The following SHANK2 variants were observed in gnomAD, a reference collection of about 807,000 sequenced individuals.
SHANK2 encodes the protein SH3 and multiple ankyrin repeat domains protein 2.
A neutral mutation model predicts 133.7 loss-of-function variants in SHANK2; 43 were observed. The observed-to-expected ratio is 0.32, with a 90% confidence interval of 0.25 to 0.41. SHANK2 has a LOEUF of 0.41. SHANK2 is among the 10% of genes least tolerant of loss of function. The probability of loss-of-function intolerance (pLI) is 1.00; values close to 1 mark genes in which losing one functional copy is unlikely to be tolerated. For missense variants in SHANK2, 1,994 were observed against 2,235.8 expected, an observed-to-expected ratio of 0.89 and a Z score of 2.18; for synonymous variants, 1,017 against 952.8, an observed-to-expected ratio of 1.07 and a Z score of -1.24.
intron 10 of SHANK2, among the ~76,000 whole-genome samples, chr11:70,899,239 T>C (rs1052080632): frequency 6.6e-6 from 1 of 152,114 alleles, no homozygotes; most frequent in Non-Finnish European, 1.5e-5. Context: ...GGGGGTGGTT[T>C]CCCCGTGCTG....
At chr11:70,923,488 C>A (rs1486727183) in intron 10 of SHANK2, among the ~76,000 whole-genome samples, 3 of 152,132 alleles carry the variant, frequency 2.0e-5, no homozygotes, top group Non-Finnish European at 4.4e-5. Context: ...GTGATCCGCC[C>A]GTCTCCACCT....
At chr11:71,246,845 C>T (rs1351924440) in intron 1 of SHANK2, among the ~76,000 whole-genome samples, 1 of 152,200 alleles carries the variant, frequency 6.6e-6, no homozygotes, top group Non-Finnish European at 1.5e-5. Flanking sequence ...CACCCACTGC[C>T]TTCTCACTCA....
At chr11:70,870,431 C>A (rs1197396629) in intron 11 of SHANK2, among the ~76,000 whole-genome samples, 1 of 152,116 alleles carries the variant, frequency 6.6e-6, no homozygotes, top group African/African-American at 2.4e-5. Context: ...AGTTCCTGGG[C>A]CATAACTGAG....
intron 17 of SHANK2, among the ~76,000 whole-genome samples, chr11:70,532,255 G>A (rs553660106): frequency 9.2e-5 from 14 of 152,218 alleles, no homozygotes; most frequent in Admixed American, 2.0e-4. Context: ...ATGTGTTTCC[G>A]GGTGTCAGCA....
At chr11:70,894,000 A>G (rs1351388338) in intron 11 of SHANK2, among the ~76,000 whole-genome samples, 4 of 152,242 alleles carry the variant, frequency 2.6e-5, no homozygotes, top group Non-Finnish European at 4.4e-5. Flanking sequence ...GTATTCGCCC[A>G]ACAAATGGGC....
At chr11:70,494,799 G>A (rs782054705) in intron 21 of SHANK2, among the ~76,000 whole-genome samples, 2 of 152,106 alleles carry the variant, frequency 1.3e-5, no homozygotes, top group Admixed American at 6.5e-5. Flanking sequence ...CATAGTGTCC[G>A]GGCAGCCAAA....
At chr11:71,145,800 C>T (rs1355304241) in intron 3 of SHANK2, among the ~76,000 whole-genome samples, 94 of 68,304 alleles carry the variant, frequency 1.4e-3, no homozygotes, top group African/African-American at 6.5e-3. Context: ...GGCCGGGAGA[C>T]TGTACTCATA....
intron 17 of SHANK2, among the ~76,000 whole-genome samples, chr11:70,615,053 C>G (rs762071599): frequency 6.6e-6 from 1 of 152,216 alleles, no homozygotes; most frequent in African/African-American, 2.4e-5. Flanking sequence ...AGAACCCATT[C>G]GTGGACATGC....
rs782191135 is a variant in SHANK2 at position 70,661,547 on chromosome 11, AC to A, written c.1936+48del. The A allele has an allele frequency of 3.3e-4, 454 of 1,391,770 alleles. 3 individuals carry two copies. In the African/African-American group the frequency reaches 6.2e-3, roughly 19 times the overall value. The allele number at this position is 1,391,770 out of a possible 1,614,324, so 86.2% of individuals were successfully genotyped here. On this transcript the variant is annotated intron_variant, in intron 16 of 25. Transcript: ENST00000601538. ...CACACACACACACACACACACACAC[AC>A]ACACACAAACATGGGAACATATTCA...
intron 17 of SHANK2, among the ~76,000 whole-genome samples, chr11:70,649,517 TCA>T (rs1236350865): frequency 2.6e-5 from 4 of 152,138 alleles, no homozygotes; most frequent in African/African-American, 9.7e-5. Flanking sequence ...TTCCTCCAGT[TCA>T]TTTGCCAGTC....
chr11:70,930,787 C>T (rs1950492781), intron 10 of SHANK2, among the ~76,000 whole-genome samples: 1 of 150,766 alleles, frequency 6.6e-6, no homozygotes, highest in Non-Finnish European at 1.5e-5. Context: ...CCTCCTGCCT[C>T]ACCCTCCCAT....
chr11:70,580,203 G>A (rs539597866), intron 17 of SHANK2, among the ~76,000 whole-genome samples: 1 of 152,352 alleles, frequency 6.6e-6, no homozygotes, highest in African/African-American at 2.4e-5. Flanking sequence ...GGGACACTTT[G>A]CAGACCAGCC....
intron 14 of SHANK2, among the ~76,000 whole-genome samples, chr11:70,715,594 T>C (rs1264149967): frequency 6.6e-6 from 1 of 152,140 alleles, no homozygotes; most frequent in Non-Finnish European, 1.5e-5. Context: ...CTATAGTAAT[T>C]AGAATGTTTT....
In SHANK2 at chr11:71,195,341, G is replaced by A. The variant is rs564030089; in HGVS notation, c.-13+29356C>T. 6.8e-3 allele frequency among the ~76,000 whole-genome samples: 1,033 copies of A among 151,954 alleles called. 10 individuals carry two copies. The highest frequency in any genetic ancestry group is 0.024 in the African/African-American group (982 of 41,416). ...CAGGAGGCAGAGCTTGCAGTGAGCC[G>A]AGATGGCGCCACTGCACTCCAGCCT... On this transcript the variant is annotated intron_variant, in intron 2 of 25. Transcript: ENST00000601538.
At chr11:71,242,596 T>C (rs1168643346) in intron 1 of SHANK2, among the ~76,000 whole-genome samples, 1 of 152,146 alleles carries the variant, frequency 6.6e-6, no homozygotes, top group Non-Finnish European at 1.5e-5. Context: ...AAGCTCTCCT[T>C]TCCTCCCACA....
At chr11:70,794,804 C>T (rs967660483) in intron 14 of SHANK2, among the ~76,000 whole-genome samples, 7 of 152,136 alleles carry the variant, frequency 4.6e-5, no homozygotes, top group Non-Finnish European at 1.0e-4. Context: ...GATTCACCCG[C>T]CTTGGCCTCC....
intron 10 of SHANK2, among the ~76,000 whole-genome samples, chr11:70,954,023 C>A (rs1387898743): frequency 6.6e-6 from 1 of 152,198 alleles, no homozygotes; most frequent in African/African-American, 2.4e-5. Context: ...AATTTGCCCA[C>A]ATCAGCTCAT....
chr11:70,702,251 C>T (rs989347602), intron 14 of SHANK2, among the ~76,000 whole-genome samples: 1 of 151,714 alleles, frequency 6.6e-6, no homozygotes, highest in Non-Finnish European at 1.5e-5. Flanking sequence ...TCTTCACTAT[C>T]ATCACCAACA....
rs35737323 is a variant in SHANK2, at chr11:70,690,488, G to GTTTTTT, written c.1853+8194_1853+8199dup. ...ATCATCATAATGTAATACTTCCCAT[G>GTTTTTT]TTTTTTTTTTTTTTTTTTTTTTTTT... On this transcript the variant is annotated intron_variant, in intron 15 of 25. Coordinates refer to ENST00000601538, the MANE Select transcript of SHANK2 (RefSeq NM_012309.5). 2.0e-3 allele frequency among the ~76,000 whole-genome samples: 65 copies of GTTTTTT among 32,822 alleles called. 14 individuals are homozygous for GTTTTTT. The highest frequency in any genetic ancestry group is 6.3e-3 in the East Asian group (5 of 792). The allele number at this position is 32,822 out of a possible 152,430, so 21.5% of individuals were successfully genotyped here.
Sources: allele counts gnomAD v4.1 joint callset (sites outside exome capture counted in the v4.1 genomes callset), GRCh38; gene constraint gnomAD v4.1.1; transcripts MANE v1.5; gene names NCBI Gene and HGNC (gene_info 2026-07-23, HGNC 2026-07-21).